The following DMWD variants were observed in gnomAD, a reference collection of about 807,000 sequenced individuals.
DMWD encodes the protein dystrophia myotonica WD repeat-containing protein.
A neutral mutation model predicts 45.8 loss-of-function variants in DMWD; 19 were observed. That is an observed-to-expected ratio of 0.41 (90% CI 0.29 to 0.61). DMWD has a LOEUF of 0.61. Among genes scored for constraint, DMWD ranks in the 20% least tolerant of loss-of-function variants. The pLI is 0.25. For synonymous variants in DMWD, 515 were observed against 440.5 expected (o/e 1.17, Z -2.12); for missense variants, 802 against 965.2 (o/e 0.83, Z 2.24).
Position 45,782,976 on chromosome 19 carries a change from A to G in DMWD, c.*1267T>C, listed in dbSNP as rs1600458171. ...ATTTAGCCCTCAGGCTCTCTGCTTT[A>G]TACCAGCTTTTTTTTTTTTTTTTTT... On this transcript the variant is annotated 3_prime_UTR_variant, in exon 5 of 5. Transcript: ENST00000270223. 7.5e-6 allele frequency: 1 copy of G among 133,568 alleles called. No individual in the cohort carries two copies. Among genetic ancestry groups the G allele is most frequent in the South Asian group, 2.4e-4 (1 of 4,120 alleles). 8.3% of individuals were successfully genotyped at this position (133,568 alleles called of 1,614,324 possible). A position where few individuals can be genotyped will look rare whatever the true frequency, so the allele number is the denominator to read the frequency against.
chr19:45,792,218 C>T, intron 1 of DMWD, 98 bp downstream of exon 1: 2 of 1,447,454 alleles, frequency 1.4e-6, no homozygotes, highest in Non-Finnish European at 1.8e-6. Context: ...TTTAGAATGC[C>T]TATCTCAGGG....
chr19:45,787,723 C>A (rs1196478935), intron 2 of DMWD, among the ~76,000 whole-genome samples: 1 of 152,208 alleles, frequency 6.6e-6, no homozygotes, highest in Admixed American at 6.5e-5. Context: ...ATCTGCCCCT[C>A]TTTTCCTCAT....
Position 45,785,396 on chromosome 19 carries a change from G to A in DMWD, c.1902+198C>T, listed in dbSNP as rs1490984931. ...TCTCACACCCACCCCTCTTTCTGCTGCCTGCTGCCTAGGGCTAGACCCCCT... is the reference window on the plus strand; with the variant it reads ...TCTCACACCCACCCCTCTTTCTGCTACCTGCTGCCTAGGGCTAGACCCCCT... On this transcript the variant is annotated intron_variant, in intron 3 of 4. Coordinates refer to ENST00000270223, the MANE Select transcript of DMWD (RefSeq NM_004943.2). 2 of 1,254,434 alleles carry A rather than the reference G, an allele frequency of 1.6e-6. No individual in the cohort carries two copies. The highest frequency in any genetic ancestry group is 2.0e-6 in the Non-Finnish European group (2 of 1,002,328). The allele number at this position is 1,254,434 out of a possible 1,614,324, so 77.7% of individuals were successfully genotyped here. A position where few individuals can be genotyped will look rare whatever the true frequency, so the allele number is the denominator to read the frequency against.
At position 45,785,860 on chromosome 19, in the gene DMWD, G is replaced by A. The variant is rs764464056; in HGVS notation, c.1636C>T (p.Leu546=). 6.2e-7 allele frequency: 1 copy of A among 1,608,410 alleles called. No individual in the cohort carries two copies. The highest frequency in any genetic ancestry group is 2.2e-5 in the East Asian group (1 of 44,878). Residue 546 remains leucine, a synonymous_variant, in exon 3 of 5, where the codon CTG becomes TTG. Transcript: ENST00000270223. ...AEKEHKRYHS[L]GNISRGGSGG... is the part of the protein sequence containing the mutation. ...CTGCCACCCCGGCTGATGTTGCCCA[G>A]GCTGTGGTAGCGCTTGTGCTCCTTC...
rs769958519 is a variant in DMWD, at chr19:45,785,608, G to A, written c.1888C>T (p.Arg630Trp). 3 of 1,496,952 alleles carry A rather than the reference G, an allele frequency of 2.0e-6. No homozygotes were observed. The highest frequency in any genetic ancestry group is 1.4e-5 in the South Asian group (1 of 73,934). 92.7% of individuals were successfully genotyped at this position (1,496,952 alleles called of 1,614,324 possible). The change falls in exon 3 of 5, where the codon CGG becomes TGG. Residue 630 changes from arginine to tryptophan, a missense_variant. By Grantham distance (101) the Arg-to-Trp change is moderately radical. This residue lies in a region of DMWD where 303 missense variants were observed against 332.9 expected (regional missense o/e 0.91). Transcript: ENST00000270223. ...CQEGLICTWA[R>W]PGKAFTDEET... The stretch of plus-strand genomic sequence containing the variant: ...GGGCCACTCACCGCCTTGCCCGGCC[G>A]GGCCCAGGTGCAGATGAGGCCCTCC...
chr19:45,784,737 T>C, intron 3 of DMWD, 22 bp from the exon 4 acceptor site: 2 of 1,611,356 alleles, frequency 1.2e-6, no homozygotes, highest in Non-Finnish European at 1.7e-6. Context: ...GAGGGGTCTC[T>C]TTTAGGACTC....
In DMWD at chr19:45,784,219, T is replaced by C; in HGVS notation, c.*24A>G. 1 of 1,203,522 alleles carries C rather than the reference T, an allele frequency of 8.3e-7. No homozygotes were observed. The highest frequency in any genetic ancestry group is 3.1e-5 in the Admixed American group (1 of 32,588). 74.6% of individuals were successfully genotyped at this position (1,203,522 alleles called of 1,614,324 possible). A position where few individuals can be genotyped will look rare whatever the true frequency, so the allele number is the denominator to read the frequency against. The stretch of plus-strand genomic sequence containing the variant: ...GGCTAGGAGGCTGGGGGCATGGGGT[T>C]GGGGGGGCCCGATATCCATGGCTTC... On this transcript the variant is annotated 3_prime_UTR_variant, in exon 5 of 5. Coordinates refer to ENST00000270223, the MANE Select transcript of DMWD (RefSeq NM_004943.2).
In DMWD at chr19:45,784,681, T is replaced by C. The variant is rs772603714; in HGVS notation, c.1937A>G (p.Glu646Gly). 6.2e-7 allele frequency: 1 copy of C among 1,613,542 alleles called. No individual in the cohort carries two copies. The highest frequency in any genetic ancestry group is 1.7e-5 in the Admixed American group (1 of 59,974). ...TDEETEAQTGEGSWPRSPSKS... is the reference protein window; with the variant it reads ...TDEETEAQTGGGSWPRSPSKS... ...GCTGGGTGACCTGGGCCAACTTCCT[T>C]CCCCTGTCTGGGCCTCGGTCTCCTC... is the stretch of plus-strand genomic sequence containing the variant. Residue 646 changes from glutamate (E) to glycine (G), a missense_variant, in exon 4 of 5, where the codon GAA becomes GGA. Physicochemically the swap from Glu to Gly is moderately conservative, Grantham distance 98. This residue lies in a region of DMWD where 303 missense variants were observed against 332.9 expected (regional missense o/e 0.91). Coordinates refer to ENST00000270223, the MANE Select transcript of DMWD (RefSeq NM_004943.2).
rs773634172 is a variant in DMWD, at chr19:45,784,189, G to C, written c.*54C>G. On this transcript the variant is annotated 3_prime_UTR_variant, in exon 5 of 5. Coordinates refer to ENST00000270223, the MANE Select transcript of DMWD (RefSeq NM_004943.2). ...TTGATCTGTGAGGTCAGCAGGGAGG[G>C]TTATGGCTAGGAGGCTGGGGGCATG... The C allele has an allele frequency of 3.4e-6, 5 of 1,468,420 alleles. No homozygotes were observed. Among genetic ancestry groups the C allele is most frequent in the Non-Finnish European group, 4.7e-6 (5 of 1,062,782 alleles). The allele number at this position is 1,468,420 out of a possible 1,614,324, so 91.0% of individuals were successfully genotyped here.
Position 45,792,500 on chromosome 19 carries a change from CCGGGGCCTGCGGGCGGCGGGGACGACG to C in DMWD, c.230_256del (p.Ala77_Pro85del). On this transcript the variant is annotated inframe_deletion, in exon 1 of 5. Transcript: ENST00000270223. ...CACGGCGGGCAGGGCGGGCCCGGGT[CCGGGGCCTGCGGGCGGCGGGGACGACG>C]CGGGGCCTGCAGCGCCGGGACCGGA... 7.7e-6 allele frequency: 9 copies of C among 1,163,610 alleles called. No individual in the cohort carries two copies. The highest frequency in any genetic ancestry group is 9.6e-6 in the Non-Finnish European group (9 of 939,892). 72.1% of individuals were successfully genotyped at this position (1,163,610 alleles called of 1,614,324 possible).
In DMWD at chr19:45,792,821, G is replaced by T. The variant is rs545024361; in HGVS notation, c.-65C>A. 2 of 1,070,728 alleles carry T rather than the reference G, an allele frequency of 1.9e-6. No individual in the cohort carries two copies. The highest frequency in any genetic ancestry group is 4.4e-5 in the South Asian group (1 of 22,728). The allele number at this position is 1,070,728 out of a possible 1,614,324, so 66.3% of individuals were successfully genotyped here. ...CCCGCAGCCGGGCCCCCTCCCGGAA[G>T]CCGCTGGCCCGCGCCGGAAAAGGTG... On this transcript the variant is annotated 5_prime_UTR_variant, in exon 1 of 5. Coordinates refer to ENST00000270223, the MANE Select transcript of DMWD (RefSeq NM_004943.2).
chr19:45,786,068 C>T lies in DMWD; in HGVS notation c.1428G>A (p.Ser476=), dbSNP rs763118432. Residue 476 remains serine, a synonymous_variant, in exon 3 of 5, where the codon TCG becomes TCA. Coordinates refer to ENST00000270223, the MANE Select transcript of DMWD (RefSeq NM_004943.2). ...GGCCTGGGCCAGGCTCGCCACCCCT[C>T]GAGCTGCTGGCGGCCGGTGGCGTGG... ...PGTTPPAASS[S]RGGEPGPGPL... is the part of the protein sequence containing the mutation. 45 of 1,522,684 alleles carry T rather than the reference C, an allele frequency of 3.0e-5. No individual in the cohort carries two copies. Among genetic ancestry groups the T allele is most frequent in the East Asian group, 4.8e-5 (2 of 41,752 alleles). 94.3% of individuals were successfully genotyped at this position (1,522,684 alleles called of 1,614,324 possible).
At chr19:45,787,183 C>G in intron 2 of DMWD, 1 of 449,940 alleles carries the variant, frequency 2.2e-6, no homozygotes, top group South Asian at 2.2e-5. Flanking sequence ...TCGGGGTCCT[C>G]AACCTCCGGG....
At chr19:45,784,356 G>A in intron 4 of DMWD, 66 bp from the exon 5 acceptor site, 2 of 1,459,496 alleles carry the variant, frequency 1.4e-6, no homozygotes, top group Admixed American at 2.3e-5. Context: ...CAGTGTCAAG[G>A]GGAGGGAGCC....
chr19:45,786,256 CG>C lies in DMWD; in HGVS notation c.1239del (p.Gly415AlafsTer244). 1 of 1,606,666 alleles carries C rather than the reference CG, an allele frequency of 6.2e-7. No individual in the cohort carries two copies. On this transcript the variant is annotated frameshift_variant, in exon 3 of 5. Transcript: ENST00000270223. LOFTEE classifies it high-confidence loss of function. ...GGCAGTGGAGAGAGCGGGGCGCCCC[CG>C]GCCGAGCCTGTGCCCGCAGCCTCGG... ...EEPEAAGTGSAGGAPLSPLPK... is the reference protein window; with the variant it reads ...EEPEAAGTGSXGGAPLSPLPK...
In DMWD at chr19:45,785,987, GC is replaced by G. The variant is rs1970267035; in HGVS notation, c.1508del (p.Gly503AlafsTer156). On this transcript the variant is annotated frameshift_variant, in exon 3 of 5. Coordinates refer to ENST00000270223, the MANE Select transcript of DMWD (RefSeq NM_004943.2). LOFTEE classifies it high-confidence loss of function. ...SNSLPHPAGGGKAGGPGVAAE... is the reference protein window; with the variant it reads ...SNSLPHPAGGXKAGGPGVAAE... ...CCGCCACACCCGGGCCGCCCGCCTT[GC>G]CCCCGCCAGCTGGGTGCGGGAGACT... The G allele has an allele frequency of 6.4e-7, 1 of 1,569,072 alleles. No individual in the cohort carries two copies. Among genetic ancestry groups the G allele is most frequent in the Non-Finnish European group, 8.6e-7 (1 of 1,158,612 alleles).
intron 2 of DMWD, 119 bp downstream of exon 2, chr19:45,790,786 T>C: frequency 1.7e-6 from 2 of 1,174,266 alleles, no homozygotes; most frequent in African/African-American, 1.5e-5. Context: ...CCATTCTCCA[T>C]CTCTCCCTGG....
At chr19:45,785,284 G>C in intron 3 of DMWD, 3 of 1,156,038 alleles carry the variant, frequency 2.6e-6, no homozygotes, top group Non-Finnish European at 3.2e-6. Flanking sequence ...ATTCTGGTTC[G>C]AGTGACAGGC....
Position 45,784,135 on chromosome 19 carries a change from C to T in DMWD, c.*108G>A, listed in dbSNP as rs529845489. 4.9e-6 allele frequency: 5 copies of T among 1,018,580 alleles called. No homozygotes were observed. Among genetic ancestry groups the T allele is most frequent in the South Asian group, 4.0e-5 (3 of 75,686 alleles). The allele number at this position is 1,018,580 out of a possible 1,614,324, so 63.1% of individuals were successfully genotyped here. Reference sequence around the variant, plus strand: ...TGCAGGTGGGGGGACTGGAGCAGTCCATCCATCATGGTTAGTCTTGTTAAT... The same window carrying T: ...TGCAGGTGGGGGGACTGGAGCAGTCTATCCATCATGGTTAGTCTTGTTAAT... On this transcript the variant is annotated 3_prime_UTR_variant, in exon 5 of 5. Coordinates refer to ENST00000270223, the MANE Select transcript of DMWD (RefSeq NM_004943.2).
Sources: gnomAD v4.1 joint callset for allele counts (sites outside exome capture counted in the v4.1 genomes callset) on GRCh38, gnomAD v4.1.1 for gene constraint, gnomAD v4.1.1 regional missense constraint, MANE v1.5 for transcripts, NCBI Gene and HGNC (gene_info 2026-07-23, HGNC 2026-07-21) for gene names.